The following ZNF575 variants were observed in gnomAD, a reference collection of about 807,000 sequenced individuals.
ZNF575 encodes the protein zinc finger protein 575.
ZNF575 carries 17 observed loss-of-function variants against 17.5 expected under a neutral mutation model. The observed-to-expected ratio is 0.97, with a 90% CI of 0.66 to 1.45. The LOEUF is 1.45. Ranked by LOEUF, ZNF575 falls within the 40% of genes most tolerant of loss-of-function variation. The pLI, the probability that ZNF575 is intolerant of heterozygous loss-of-function variation, is 0.00. For missense variants in ZNF575, 352 were observed against 359.2 expected, an observed-to-expected ratio of 0.98 and a Z score of 0.16; for synonymous variants, 146 against 158.3, an observed-to-expected ratio of 0.92 and a Z score of 0.58.
chr19:43,531,124 CAAAAAAA>C (rs1200175640), upstream of ZNF575, among the ~76,000 whole-genome samples: 2 of 104,296 alleles, frequency 1.9e-5, no homozygotes, highest in Admixed American at 1.0e-4. Flanking sequence ...ACCAAAAATA[CAAAAAAA>C]AAAAAAAAAA....
Position 43,534,361 on chromosome 19 carries a change from C to T in ZNF575, c.-62C>T. 1 of 1,483,286 alleles carries T rather than the reference C, an allele frequency of 6.7e-7. No homozygotes were observed. The highest frequency in any genetic ancestry group is 2.5e-5 in the East Asian group (1 of 39,372). 91.9% of individuals were successfully genotyped at this position (1,483,286 alleles called of 1,614,324 possible). Reference sequence around the variant, plus strand: ...GGCCCTCCAACCCTATCCCCATCAGCCTGGTCATCACCGGCGTCACCCCCG... The same window carrying T: ...GGCCCTCCAACCCTATCCCCATCAGTCTGGTCATCACCGGCGTCACCCCCG... On this transcript the variant is annotated 5_prime_UTR_variant, in exon 3 of 4. Coordinates refer to ENST00000314228, the MANE Select transcript of ZNF575 (RefSeq NM_174945.3).
rs751302181 is a variant in ZNF575 at position 43,535,302 on chromosome 19, C to G, written c.353C>G (p.Pro118Arg). Reference sequence around the variant, plus strand: ...CGCCTCACGCACAGCGGCGCCCGCCCGCACCCGTGCCCACACTGCCCGAAG... The same window carrying G: ...CGCCTCACGCACAGCGGCGCCCGCCGGCACCCGTGCCCACACTGCCCGAAG... ...AHRLTHSGARPHPCPHCPKSF... is the reference protein window; with the variant it reads ...AHRLTHSGARRHPCPHCPKSF... The change falls in exon 4 of 4, where the codon CCG (proline) becomes CGG (arginine). Residue 118 changes from proline to arginine, a missense_variant. Transcript: ENST00000314228. 4 of 1,611,862 alleles carry G rather than the reference C, an allele frequency of 2.5e-6. No homozygotes were observed. In the South Asian group the frequency reaches 4.4e-5, roughly 18 times the overall value.
rs369065915 is a variant in ZNF575, at chr19:43,535,122, C to T, written c.173C>T (p.Pro58Leu). The T allele has an allele frequency of 1.4e-5, 22 of 1,540,142 alleles. No individual in the cohort carries two copies. In the African/African-American group the frequency reaches 2.2e-4, roughly 16 times the overall value. The change falls in exon 4 of 4, where the codon CCG (proline) becomes CTG (leucine). Residue 58 changes from proline to leucine, a missense_variant. Transcript: ENST00000314228. The stretch of plus-strand genomic sequence containing the variant: ...CCTCCCCGGCCTCGCCGGCGGCCCC[C>T]GCCCCAGCGCCCGCACCGCTGCCCC... Reference protein sequence around the residue: ...GSPPRPRRRPPPQRPHRCPDC... With the variant: ...GSPPRPRRRPLPQRPHRCPDC...
At chr19:43,533,574 A>C (rs1600029293) in intron 1 of ZNF575, 53 bp downstream of exon 1, 1 of 152,228 alleles carries the variant, frequency 6.6e-6, no homozygotes, top group Admixed American at 6.5e-5. Flanking sequence ...TGAATGCCAG[A>C]ATCACCCCGA....
At chr19:43,534,151 G>T in intron 2 of ZNF575, 186 bp from the exon 3 acceptor site, 1 of 504,752 alleles carries the variant, frequency 2.0e-6, no homozygotes, top group Non-Finnish European at 3.5e-6. Flanking sequence ...TAGTTGTGGA[G>T]ACTCCGCCCA....
At chr19:43,531,496 C>T (rs776986498), upstream of ZNF575, among the ~76,000 whole-genome samples, 60 of 152,132 alleles carry the variant, frequency 3.9e-4, no homozygotes, top group Non-Finnish European at 8.4e-4. Context: ...GCAGGAGAAT[C>T]GCTTGAACTC....
chr19:43,532,750 T>C (rs1295430750), upstream of ZNF575, among the ~76,000 whole-genome samples: 1 of 152,198 alleles, frequency 6.6e-6, no homozygotes, highest in African/African-American at 2.4e-5. Context: ...CTAAGCTGCA[T>C]GCCACCCCAG....
chr19:43,535,126 C>T lies in ZNF575; in HGVS notation c.177C>T (p.Pro59=), dbSNP rs1204814126. The change falls in exon 4 of 4, where the codon CCC becomes CCT. Residue 59 remains proline (P), a synonymous_variant. Transcript: ENST00000314228. The part of the protein sequence containing the change: ...SPPRPRRRPP[P]QRPHRCPDCD... Reference sequence around the variant, plus strand: ...CCCGGCCTCGCCGGCGGCCCCCGCCCCAGCGCCCGCACCGCTGCCCCGACT... The same window carrying T: ...CCCGGCCTCGCCGGCGGCCCCCGCCTCAGCGCCCGCACCGCTGCCCCGACT... 6.5e-7 allele frequency: 1 copy of T among 1,548,612 alleles called. No homozygotes were observed. The highest frequency in any genetic ancestry group is 2.0e-5 in the Admixed American group (1 of 50,324).
At chr19:43,532,967 C>CT (rs1972361120), upstream of ZNF575, 1 of 150,210 alleles carries the variant, frequency 6.7e-6, no homozygotes, top group East Asian at 2.0e-4. Context: ...ACTGGCCAGA[C>CT]TTTTTGCAAA....
At chr19:43,531,811 G>T, upstream of ZNF575, 1 of 685,232 alleles carries the variant, frequency 1.5e-6, no homozygotes, top group Non-Finnish European at 2.6e-6. Flanking sequence ...AAAGATACGG[G>T]GTATCACTCT....
At position 43,535,741 on chromosome 19, in the gene ZNF575, T is replaced by TG. The variant is rs888303393; in HGVS notation, c.*57dup. 4.0e-6 allele frequency: 6 copies of TG among 1,511,982 alleles called. No homozygotes were observed. Among genetic ancestry groups the TG allele is most frequent in the Middle Eastern group, 1.7e-4 (1 of 5,810 alleles). The allele number at this position is 1,511,982 out of a possible 1,614,324, so 93.7% of individuals were successfully genotyped here. On this transcript the variant is annotated 3_prime_UTR_variant, in exon 4 of 4. Transcript: ENST00000314228. ...GCCGCCAGCCCTAGCCAGTAAGAGG[T>TG]GGGATTTCTAAGACCGACTGTATGA... is the stretch of plus-strand genomic sequence containing the variant.
rs1442127226 is a variant in ZNF575, at chr19:43,535,784, A to G, written c.*97A>G. ...CTGTATGAGCTCGCCTCTTCCAGAT[A>G]GCTGGCAGAGGGCAGGGCAAGGGAT... On this transcript the variant is annotated 3_prime_UTR_variant, in exon 4 of 4. Transcript: ENST00000314228. The G allele has an allele frequency of 5.1e-6, 7 of 1,382,314 alleles. No individual in the cohort carries two copies. Among genetic ancestry groups the G allele is most frequent in the African/African-American group, 1.5e-5 (1 of 68,958 alleles). The allele number at this position is 1,382,314 out of a possible 1,614,324, so 85.6% of individuals were successfully genotyped here.
chr19:43,531,343 G>A (rs1972340693), upstream of ZNF575, among the ~76,000 whole-genome samples: 1 of 151,094 alleles, frequency 6.6e-6, no homozygotes, highest in African/African-American at 2.4e-5. Flanking sequence ...CAGCACTTTG[G>A]GAGGCCAAGA....
intron 1 of ZNF575, 35 bp downstream of exon 1, chr19:43,533,556 TTGCAGGC>T (rs1972372288): frequency 6.6e-6 from 1 of 152,126 alleles, no homozygotes; most frequent in African/African-American, 2.4e-5. Context: ...GGATATTGGC[TTGCAGGC>T]TGAATGCCAG....
At position 43,535,235 on chromosome 19, in the gene ZNF575, T is replaced by C. The variant is rs1356806015; in HGVS notation, c.286T>C (p.Cys96Arg). ...CGCCCGACCCCACCCATGCCCAGAC[T>C]GCCCCAAGGCCTTCTCCTACCCCTC... ...GGARPHPCPD[C>R]PKAFSYPSKL... Residue 96 changes from cysteine to arginine, a missense_variant, in exon 4 of 4, where the codon TGC (cysteine) becomes CGC (arginine). By Grantham distance (180) the Cys-to-Arg change is radical. Transcript: ENST00000314228. 6.2e-7 allele frequency: 1 copy of C among 1,610,786 alleles called. No individual in the cohort carries two copies. Among genetic ancestry groups the C allele is most frequent in the South Asian group, 1.1e-5 (1 of 90,890 alleles).
In ZNF575 at chr19:43,535,167, C is replaced by T; in HGVS notation, c.218C>T (p.Ser73Leu). The change falls in exon 4 of 4, where the codon TCG becomes TTG. Residue 73 changes from serine (S) to leucine (L), a missense_variant. Physicochemically the swap from Ser to Leu is moderately radical, Grantham distance 145 (BLOSUM62 -2). Transcript: ENST00000314228. ...HRCPDCDKAF[S>L]YPSKLATHRL... is the part of the protein sequence containing the mutation. Reference sequence around the variant, plus strand: ...TGCCCCGACTGTGACAAGGCCTTCTCGTACCCGTCCAAGCTGGCCACGCAC... The same window carrying T: ...TGCCCCGACTGTGACAAGGCCTTCTTGTACCCGTCCAAGCTGGCCACGCAC... 6.2e-7 allele frequency: 1 copy of T among 1,603,550 alleles called. No individual in the cohort carries two copies. The highest frequency in any genetic ancestry group is 8.5e-7 in the Non-Finnish European group (1 of 1,176,022).
rs1446297510 is a variant in ZNF575 at position 43,535,089 on chromosome 19, C to G, written c.140C>G (p.Ala47Gly). 1 of 1,495,642 alleles carries G rather than the reference C, an allele frequency of 6.7e-7. No individual in the cohort carries two copies. Among genetic ancestry groups the G allele is most frequent in the African/African-American group, 1.5e-5 (1 of 68,910 alleles). The allele number at this position is 1,495,642 out of a possible 1,614,324, so 92.6% of individuals were successfully genotyped here. A position where few individuals can be genotyped will look rare whatever the true frequency, so the allele number is the denominator to read the frequency against. ...SQSAPGPTAS[A>G]GSPPRPRRRP... ...TCAGCTCCAGGGCCCACCGCGTCCG[C>G]GGGCTCGCCTCCCCGGCCTCGCCGG... Residue 47 changes from alanine (A) to glycine (G), a missense_variant, in exon 4 of 4, where the codon GCG (alanine) becomes GGG (glycine). Physicochemically the swap from Ala to Gly is moderately conservative, Grantham distance 60 (BLOSUM62 0). Coordinates refer to ENST00000314228, the MANE Select transcript of ZNF575 (RefSeq NM_174945.3).
In ZNF575 at chr19:43,535,120, C is replaced by T. The variant is rs373456986; in HGVS notation, c.171C>T (p.Pro57=). The part of the protein sequence containing the change: ...AGSPPRPRRR[P]PPQRPHRCPD... ...CGCCTCCCCGGCCTCGCCGGCGGCC[C>T]CCGCCCCAGCGCCCGCACCGCTGCC... The change falls in exon 4 of 4, where the codon CCC becomes CCT. Residue 57 remains proline, a synonymous_variant. Transcript: ENST00000314228. 522 of 1,539,300 alleles carry T rather than the reference C, an allele frequency of 3.4e-4. 1 individual carries two copies. Among genetic ancestry groups the T allele is most frequent in the Non-Finnish European group, 3.7e-4 (421 of 1,146,080 alleles).
upstream of ZNF575, chr19:43,531,976 G>T: frequency 5.6e-6 from 2 of 355,102 alleles, no homozygotes; most frequent in South Asian, 4.1e-5. Context: ...TTTTAAGATG[G>T]GGAGGTGTCT....
Sources: allele counts gnomAD v4.1 joint callset (sites outside exome capture counted in the v4.1 genomes callset), GRCh38; gene constraint gnomAD v4.1.1; transcripts MANE v1.5; gene names NCBI Gene and HGNC (gene_info 2026-07-23, HGNC 2026-07-21).